GHRH: variants seen among roughly 807,000 people sequenced by gnomAD.
The protein encoded by GHRH is somatoliberin.
In GHRH, 7 loss-of-function variants were observed where a neutral mutation model predicts 15.6. The observed-to-expected ratio is 0.45, with a 90% CI of 0.26 to 0.84. The LOEUF is 0.84. Ranked by LOEUF, GHRH falls within the 40% of genes least tolerant of loss-of-function variation. GHRH has a pLI of 0.18. For missense variants in GHRH, 117 were observed against 138.0 expected, an observed-to-expected ratio of 0.85 and a Z score of 0.76; for synonymous variants, 54 against 50.4, an observed-to-expected ratio of 1.07 and a Z score of -0.30.
chr20:37,252,911 C>T (rs902730639), intron 4 of GHRH, among the ~76,000 whole-genome samples: 2 of 152,004 alleles, frequency 1.3e-5, no homozygotes, highest in African/African-American at 4.8e-5. Context: ...TGGTGGCAGG[C>T]GCCTGTAATC....
At position 37,256,417 on chromosome 20, in the gene GHRH, C is replaced by G; in HGVS notation, c.165G>C (p.Gln55His). 1 of 1,612,892 alleles carries G rather than the reference C, an allele frequency of 6.2e-7. No individual in the cohort carries two copies. The highest frequency in any genetic ancestry group is 8.5e-7 in the Non-Finnish European group (1 of 1,179,238). The part of the protein sequence containing the change: ...LGQLSARKLL[Q>H]DIMSRQQGES... ...ACCCCTGCTGCCTGCTCATGATGTC[C>G]TGGAGCAGCTTGCGGGCGGACAGCT... is the stretch of plus-strand genomic sequence containing the variant. Residue 55 changes from glutamine (Q) to histidine (H), a missense_variant, in exon 3 of 5, where the codon CAG becomes CAC. Physicochemically the swap from Gln to His is conservative, Grantham distance 24 (BLOSUM62 0). Coordinates refer to ENST00000373614, the MANE Select transcript of GHRH (RefSeq NM_021081.6).
At chr20:37,253,825 A>G (rs1352854495) in intron 4 of GHRH, among the ~76,000 whole-genome samples, 1 of 152,154 alleles carries the variant, frequency 6.6e-6, no homozygotes, top group African/African-American at 2.4e-5. Context: ...ATCTCAGCTC[A>G]CTGCAACCTC....
chr20:37,261,284 T>C (rs562980401), intron 1 of GHRH, among the ~76,000 whole-genome samples: 48 of 152,278 alleles, frequency 3.2e-4, no homozygotes, highest in African/African-American at 1.1e-3. Context: ...TGGCTGCAAT[T>C]GAGCAAGAAA....
At chr20:37,255,178 A>G (rs1466257967) in intron 3 of GHRH, among the ~76,000 whole-genome samples, 1 of 152,212 alleles carries the variant, frequency 6.6e-6, no homozygotes, top group Non-Finnish European at 1.5e-5. Flanking sequence ...ATCTAGCTAT[A>G]GATATAGAGT....
intron 3 of GHRH, among the ~76,000 whole-genome samples, chr20:37,255,460 AC>A (rs2068649672): frequency 6.6e-6 from 1 of 151,854 alleles, no homozygotes; most frequent in Admixed American, 6.6e-5. Flanking sequence ...GGAGATCGAG[AC>A]CGTCCTGGCT....
At chr20:37,256,632 C>A (rs2068657705) in intron 2 of GHRH, 134 bp from the exon 3 acceptor site, 3 of 722,938 alleles carry the variant, frequency 4.1e-6, no homozygotes, top group Admixed American at 2.6e-5. Flanking sequence ...AGACTCAGAC[C>A]CCTCTGAGTG....
At chr20:37,257,670 A>G (rs2068665289) in intron 1 of GHRH, among the ~76,000 whole-genome samples, 2 of 152,194 alleles carry the variant, frequency 1.3e-5, no homozygotes, top group African/African-American at 4.8e-5. Context: ...GCTCTGAGTC[A>G]GACAAACTGG....
rs569348924 is a variant in GHRH at position 37,251,119 on chromosome 20, G to A, written c.*94C>T. ...CACACCGGTATGGGGGAATTTTATT[G>A]TATTTTCAAAGGAAAAAGTGGGTCA... On this transcript the variant is annotated 3_prime_UTR_variant, in exon 5 of 5. Coordinates refer to ENST00000373614, the MANE Select transcript of GHRH (RefSeq NM_021081.6). 3.4e-5 allele frequency: 27 copies of A among 804,834 alleles called. No homozygotes were observed. The African/African-American group carries it at 3.8e-4, about 11-fold the overall frequency. 49.9% of individuals were successfully genotyped at this position (804,834 alleles called of 1,614,324 possible). A position where few individuals can be genotyped will look rare whatever the true frequency, so the allele number is the denominator to read the frequency against.
In GHRH at chr20:37,261,803, G is replaced by C. The variant is rs1437648563; in HGVS notation, c.-80C>G. ...GCTCAAATCCAGGGGCCCTGGGCTG[G>C]GTGTTTGCTCTGGCAGCCGCCTGGC... On this transcript the variant is annotated 5_prime_UTR_variant, in exon 1 of 5. Coordinates refer to ENST00000373614, the MANE Select transcript of GHRH (RefSeq NM_021081.6). 2.0e-5 allele frequency: 3 copies of C among 152,210 alleles called. No homozygotes were observed. The highest frequency in any genetic ancestry group is 4.4e-5 in the Non-Finnish European group (3 of 68,060). 9.4% of individuals were successfully genotyped at this position (152,210 alleles called of 1,614,324 possible).
At chr20:37,259,638 G>A (rs1209725457) in intron 1 of GHRH, among the ~76,000 whole-genome samples, 1 of 152,060 alleles carries the variant, frequency 6.6e-6, no homozygotes, top group African/African-American at 2.4e-5. Context: ...TCTCCCAAGG[G>A]CTGGCACAAG....
At position 37,258,094 on chromosome 20, in the gene GHRH, A is replaced by G. The variant is rs1330280867; in HGVS notation, c.-19-1186T>C. ...GGGCCTGCGGACAGCATGCTCTGCA[A>G]TTAGGGGAAAAACAGCCAGCAGGGG... On this transcript the variant is annotated intron_variant, in intron 1 of 4. Transcript: ENST00000373614. This position sits in a 1 kb window ranked among gnomAD's most constrained non-coding sequence, Gnocchi z 4.1. 6.6e-6 allele frequency among the ~76,000 whole-genome samples: 1 copy of G among 152,220 alleles called. No homozygotes were observed. Among genetic ancestry groups the G allele is most frequent in the Non-Finnish European group, 1.5e-5 (1 of 68,036 alleles).
At position 37,258,936 on chromosome 20, in the gene GHRH, C is replaced by T. The variant is rs1250194156; in HGVS notation, c.-19-2028G>A. On this transcript the variant is annotated intron_variant, in intron 1 of 4. Coordinates refer to ENST00000373614, the MANE Select transcript of GHRH (RefSeq NM_021081.6). The surrounding 1 kb of genome is among the most constrained non-coding windows in gnomAD (Gnocchi z 4.1). ...GAAATTTTTTGTAAAGATAAAGTCT[C>T]ACTATATTGCCGAGGCTGGTTTCAA... Among the ~76,000 whole-genome samples, 1 of 152,126 alleles carries T rather than the reference C, an allele frequency of 6.6e-6. No homozygotes were observed. Among genetic ancestry groups the T allele is most frequent in the Non-Finnish European group, 1.5e-5 (1 of 68,018 alleles).
In GHRH at chr20:37,256,554, G is replaced by C. The variant is rs776215379; in HGVS notation, c.84-56C>G. 6 of 1,107,458 alleles carry C rather than the reference G, an allele frequency of 5.4e-6. No homozygotes were observed. In the East Asian group the frequency reaches 1.4e-4, roughly 26 times the overall value. The allele number at this position is 1,107,458 out of a possible 1,614,324, so 68.6% of individuals were successfully genotyped here. A position where few individuals can be genotyped will look rare whatever the true frequency, so the allele number is the denominator to read the frequency against. The stretch of plus-strand genomic sequence containing the variant: ...GGGGTGGAGGCCAGGCGAGAGGACA[G>C]TCGTGGCTGCACTCGCCATGTCTCT... On this transcript the variant is annotated intron_variant, in intron 2 of 4. Transcript: ENST00000373614.
chr20:37,254,001 T>C (rs1442195050), intron 4 of GHRH, among the ~76,000 whole-genome samples: 1 of 152,238 alleles, frequency 6.6e-6, no homozygotes, highest in Non-Finnish European at 1.5e-5. Context: ...TCCACCCACC[T>C]TGGCCTCCCA....
At chr20:37,254,385 G>A in intron 3 of GHRH, 56 bp from the exon 4 acceptor site, 26 of 1,581,962 alleles carry the variant, frequency 1.6e-5, no homozygotes, top group Non-Finnish European at 2.3e-5. Flanking sequence ...TGGAAAGGCA[G>A]GGGTATATCC....
At chr20:37,253,324 CAG>C (rs925092145) in intron 4 of GHRH, among the ~76,000 whole-genome samples, 2 of 152,206 alleles carry the variant, frequency 1.3e-5, no homozygotes, top group Non-Finnish European at 2.9e-5. Flanking sequence ...TCATCTACCA[CAG>C]GGTGTGGGAG....
At chr20:37,256,689 G>A (rs899052740) in intron 2 of GHRH, 118 bp downstream of exon 2, 16 of 836,802 alleles carry the variant, frequency 1.9e-5, no homozygotes, top group Non-Finnish European at 3.1e-5. Context: ...CGGGCAGTGG[G>A]TGCTGCCTGG....
At chr20:37,255,120 G>T in intron 3 of GHRH, among the ~76,000 whole-genome samples, 1 of 152,248 alleles carries the variant, frequency 6.6e-6, no homozygotes, top group African/African-American at 2.4e-5. Context: ...CAACAAAAAT[G>T]ATAAGAATAC....
At chr20:37,256,776 G>A in intron 2 of GHRH, 31 bp downstream of exon 2, 4 of 1,542,972 alleles carry the variant, frequency 2.6e-6, no homozygotes, top group South Asian at 1.1e-5. Flanking sequence ...TGGCTTGGGA[G>A]TGGTGGGAAC....
Sources: gnomAD v4.1 joint callset for allele counts (sites outside exome capture counted in the v4.1 genomes callset) on GRCh38, gnomAD v4.1.1 for gene constraint, Gnocchi (gnomAD v3.1) non-coding constraint, MANE v1.5 for transcripts, NCBI Gene and HGNC (gene_info 2026-07-23, HGNC 2026-07-21) for gene names.